The following BRD10 variants were observed in gnomAD, a reference collection of about 807,000 sequenced individuals.
BRD10 encodes the protein uncharacterized bromodomain-containing protein 10.
At chr9:6,007,689 T>C in the BRD10 span, 1 of 1,609,754 alleles carries the variant, frequency 6.2e-7, no homozygotes, top group Non-Finnish European at 8.5e-7. Context: ...GGGCCGCCGC[T>C]GCCACCTCCT....
the BRD10 span, among the ~76,000 whole-genome samples, chr9:5,937,366 CT>C: frequency 6.6e-6 from 1 of 151,940 alleles, no homozygotes; most frequent in African/African-American, 2.4e-5. Flanking sequence ...GTGAAACCAT[CT>C]CTACTAAAAG....
the BRD10 span, among the ~76,000 whole-genome samples, chr9:5,989,426 C>CAA: frequency 4.1e-5 from 3 of 72,924 alleles, no homozygotes; most frequent in Admixed American, 1.6e-4. Flanking sequence ...GTTCCTACCT[C>CAA]AAAAAAAAAA....
chr9:6,008,426 G>A, the BRD10 span, among the ~76,000 whole-genome samples: 2 of 152,040 alleles, frequency 1.3e-5, no homozygotes, highest in African/African-American at 4.8e-5. Context: ...CGGCTGGGAA[G>A]AGCTGTGGAG....
the BRD10 span, among the ~76,000 whole-genome samples, chr9:5,936,284 G>C: frequency 6.6e-6 from 1 of 152,094 alleles, no homozygotes; most frequent in Non-Finnish European, 1.5e-5. Context: ...TGAGCCTGGA[G>C]GTGGAGTTTG....
At chr9:5,918,543 T>C in the BRD10 span, among the ~76,000 whole-genome samples, 1 of 151,882 alleles carries the variant, frequency 6.6e-6, no homozygotes, top group African/African-American at 2.4e-5. Flanking sequence ...GGTGAAACCA[T>C]CTCTACAAAA....
chr9:5,891,653 G>A, the BRD10 span, among the ~76,000 whole-genome samples: 4 of 152,156 alleles, frequency 2.6e-5, no homozygotes, highest in Non-Finnish European at 5.9e-5. Flanking sequence ...GAGCGTACTT[G>A]AATTACGGCC....
the BRD10 span, among the ~76,000 whole-genome samples, chr9:5,972,245 T>C: frequency 1.3e-5 from 2 of 152,098 alleles, no homozygotes; most frequent in African/African-American, 4.8e-5. Flanking sequence ...GTAAGAATTA[T>C]AGGACACAAG....
chr9:5,992,902 T>C, the BRD10 span, among the ~76,000 whole-genome samples: 2 of 137,592 alleles, frequency 1.5e-5, no homozygotes, highest in African/African-American at 5.2e-5. Flanking sequence ...TAAAAATAGA[T>C]GTTTGAACAC....
the BRD10 span, among the ~76,000 whole-genome samples, chr9:5,973,175 T>C: frequency 1.2e-4 from 18 of 152,182 alleles, no homozygotes; most frequent in African/African-American, 3.9e-4. Context: ...TTCAAATACA[T>C]GACAACAACA....
chr9:5,988,930 C>T, the BRD10 span, among the ~76,000 whole-genome samples: 1 of 152,046 alleles, frequency 6.6e-6, no homozygotes, highest in African/African-American at 2.4e-5. Flanking sequence ...TACATAAACA[C>T]TTTGAAAAAA....
chr9:5,901,148 G>GA, the BRD10 span, among the ~76,000 whole-genome samples: 1 of 151,704 alleles, frequency 6.6e-6, no homozygotes, highest in South Asian at 2.1e-4. Context: ...AAAAGAAAAA[G>GA]AAAAAAATGG....
chr9:5,974,458 A>G, the BRD10 span, among the ~76,000 whole-genome samples: 2 of 152,186 alleles, frequency 1.3e-5, no homozygotes, highest in Admixed American at 1.3e-4. Flanking sequence ...TTTTCAAGCA[A>G]AAGACAGCGA....
chr9:5,954,010 A>G, the BRD10 span: 1 of 1,532,254 alleles, frequency 6.5e-7, no homozygotes, highest in South Asian at 1.2e-5. Context: ...AAGTTGAAAC[A>G]TTTACCTGAA....
the BRD10 span, chr9:6,007,521 G>C: frequency 1.2e-6 from 2 of 1,612,944 alleles, no homozygotes; most frequent in Non-Finnish European, 8.5e-7. Context: ...TCTCCTGCAG[G>C]AACTCGCCCA....
the BRD10 span, among the ~76,000 whole-genome samples, chr9:5,901,675 C>T: frequency 2.2e-3 from 341 of 152,200 alleles, 3 homozygotes; most frequent in African/African-American, 7.8e-3. Flanking sequence ...TAAGCCACCA[C>T]GCCTGGCTAA....
the BRD10 span, among the ~76,000 whole-genome samples, chr9:5,954,947 G>C: frequency 6.6e-6 from 1 of 152,014 alleles, no homozygotes; most frequent in Admixed American, 6.6e-5. Flanking sequence ...AATTAGCCGG[G>C]TGTGGTGGTG....
At chr9:6,007,890 C>G in the BRD10 span, 1 of 1,369,476 alleles carries the variant, frequency 7.3e-7, no homozygotes, top group African/African-American at 1.5e-5. Context: ...GGCGCGTAGC[C>G]CCCGCCACAT....
At chr9:5,918,701 A>C in the BRD10 span, among the ~76,000 whole-genome samples, 1 of 148,770 alleles carries the variant, frequency 6.7e-6, no homozygotes, top group South Asian at 2.1e-4. Flanking sequence ...AATTACTTAC[A>C]CACCAACCTA....
chr9:5,972,474 C>T, the BRD10 span, among the ~76,000 whole-genome samples: 2 of 152,182 alleles, frequency 1.3e-5, no homozygotes, highest in Non-Finnish European at 2.9e-5. Flanking sequence ...ATGCTGAAAG[C>T]GCAGCCCAGT....
Sources: gnomAD v4.1 joint callset for allele counts (sites outside exome capture counted in the v4.1 genomes callset) on GRCh38, gnomAD v4.1.1 for gene constraint, MANE v1.5 for transcripts, NCBI Gene and HGNC (gene_info 2026-07-23, HGNC 2026-07-21) for gene names.